SETBP1: variants seen among roughly 807,000 people sequenced by gnomAD.
The protein encoded by SETBP1 is SET binding protein 1.
Under a neutral mutation model 101.0 loss-of-function variants are expected in SETBP1, and 9 were observed. The ratio of observed to expected loss-of-function variants is 0.09; its 90% CI spans 0.05 to 0.16. SETBP1 has a LOEUF of 0.16. Ranked by LOEUF, SETBP1 falls within the 10% of genes least tolerant of loss-of-function variation. The pLI, the probability that SETBP1 is intolerant of heterozygous loss-of-function variation, is 1.00. For synonymous variants in SETBP1, 818 were observed against 788.5 expected (o/e 1.04, Z -0.63); for missense variants, 1,858 against 2,033.8 (o/e 0.91, Z 1.66).
At chr18:45,050,552 T>G (rs1383305368) in intron 5 of SETBP1, among the ~76,000 whole-genome samples, 1 of 152,210 alleles carries the variant, frequency 6.6e-6, no homozygotes, top group African/African-American at 2.4e-5. Flanking sequence ...TGATACCTCT[T>G]TAAACTAAAA....
chr18:44,883,391 C>T (rs935053192), intron 3 of SETBP1, among the ~76,000 whole-genome samples: 2 of 152,162 alleles, frequency 1.3e-5, no homozygotes, highest in African/African-American at 2.4e-5. Context: ...CATCTTTCTC[C>T]ACAATGTCTT....
chr18:44,740,323 T>C (rs1007045330), intron 2 of SETBP1, among the ~76,000 whole-genome samples: 1 of 152,122 alleles, frequency 6.6e-6, no homozygotes, highest in Non-Finnish European at 1.5e-5. Context: ...GCCATTACAG[T>C]GTGCACACCA....
chr18:44,976,968 G>A (rs763393352), intron 4 of SETBP1, among the ~76,000 whole-genome samples: 1 of 152,166 alleles, frequency 6.6e-6, no homozygotes, highest in African/African-American at 2.4e-5. Flanking sequence ...GGAAAATTGT[G>A]TCTATTCTGG....
At chr18:44,831,517 A>T (rs968151336) in intron 2 of SETBP1, among the ~76,000 whole-genome samples, 8 of 152,252 alleles carry the variant, frequency 5.3e-5, no homozygotes, top group African/African-American at 1.9e-4. Context: ...ATTTTCAAAC[A>T]TAAGACTAAC....
chr18:45,032,433 TA>T (rs2073315719), intron 4 of SETBP1, among the ~76,000 whole-genome samples: 1 of 152,198 alleles, frequency 6.6e-6, no homozygotes, highest in African/African-American at 2.4e-5. Context: ...CTAGACTCAG[TA>T]AATAGTATTC....
chr18:44,895,782 G>T (rs2069887218), intron 3 of SETBP1, among the ~76,000 whole-genome samples: 1 of 152,044 alleles, frequency 6.6e-6, no homozygotes, highest in Admixed American at 6.5e-5. Flanking sequence ...AGAACTAAAT[G>T]ACTTCTCTTC....
At chr18:44,975,036 C>T (rs567828252) in intron 4 of SETBP1, among the ~76,000 whole-genome samples, 2 of 152,300 alleles carry the variant, frequency 1.3e-5, no homozygotes, top group African/African-American at 2.4e-5. Flanking sequence ...CTTCTATACA[C>T]GTGGCCCTCT....
chr18:44,750,515 G>A (rs572268954), intron 2 of SETBP1, among the ~76,000 whole-genome samples: 4 of 152,258 alleles, frequency 2.6e-5, no homozygotes, highest in East Asian at 3.9e-4. Context: ...ACATCTGTCC[G>A]TAACAATTGG....
chr18:44,917,835 A>C (rs923627818), intron 3 of SETBP1, among the ~76,000 whole-genome samples: 2 of 152,020 alleles, frequency 1.3e-5, no homozygotes, highest in Admixed American at 1.3e-4. Context: ...CAAGGGGATG[A>C]CTCTACTACT....
chr18:45,019,822 G>T (rs533907563), intron 4 of SETBP1, among the ~76,000 whole-genome samples: 2 of 151,994 alleles, frequency 1.3e-5, no homozygotes, highest in Non-Finnish European at 2.9e-5. Context: ...TAAAGGACAT[G>T]CATAAAAAAC....
intron 2 of SETBP1, among the ~76,000 whole-genome samples, chr18:44,840,513 C>T (rs1458759669): frequency 2.0e-5 from 3 of 152,228 alleles, no homozygotes; most frequent in Non-Finnish European, 4.4e-5. Context: ...TTTCCTATTT[C>T]TCAAGATTCA....
At chr18:44,895,527 G>A (rs2069880830) in intron 3 of SETBP1, among the ~76,000 whole-genome samples, 1 of 152,082 alleles carries the variant, frequency 6.6e-6, no homozygotes, top group Non-Finnish European at 1.5e-5. Context: ...TTAGAAAATG[G>A]CAGTGACCTT....
chr18:44,994,384 G>T (rs750166261), intron 4 of SETBP1, among the ~76,000 whole-genome samples: 58 of 152,210 alleles, frequency 3.8e-4, no homozygotes, highest in Non-Finnish European at 7.4e-4. Flanking sequence ...TGAATACTAA[G>T]GATTAAAGAA....
At chr18:44,941,146 A>G (rs1329970999) in intron 3 of SETBP1, among the ~76,000 whole-genome samples, 1 of 131,656 alleles carries the variant, frequency 7.6e-6, no homozygotes, top group Non-Finnish European at 1.5e-5. Flanking sequence ...CAGTGGCGCC[A>G]TCTCACCTCA....
chr18:45,047,589 T>G (rs1030789457), intron 5 of SETBP1, among the ~76,000 whole-genome samples: 1 of 152,168 alleles, frequency 6.6e-6, no homozygotes, highest in African/African-American at 2.4e-5. Context: ...TTGAAAAACT[T>G]CTTGGTTCCA....
At chr18:44,987,361 A>T (rs897369156) in intron 4 of SETBP1, 1 of 152,232 alleles carries the variant, frequency 6.6e-6, no homozygotes, top group Non-Finnish European at 1.5e-5. Context: ...GAGACTCATG[A>T]AGTCAGTGGT....
chr18:44,827,104 TG>T (rs2072255547), intron 2 of SETBP1, among the ~76,000 whole-genome samples: 1 of 152,186 alleles, frequency 6.6e-6, no homozygotes, highest in Admixed American at 6.5e-5. Context: ...GGCTCACTAG[TG>T]GTGATGACAT....
chr18:45,034,950 C>T (rs1450970649), intron 4 of SETBP1, among the ~76,000 whole-genome samples: 7 of 152,130 alleles, frequency 4.6e-5, no homozygotes, highest in Admixed American at 4.6e-4. Flanking sequence ...AAATCTCCCT[C>T]CCATTGATAG....
At chr18:44,748,285 CAG>C (rs749280751) in intron 2 of SETBP1, among the ~76,000 whole-genome samples, 13 of 152,168 alleles carry the variant, frequency 8.5e-5, no homozygotes, top group Non-Finnish European at 1.5e-4. Context: ...ATATATTTCT[CAG>C]AGTTAGTATA....
Sources: allele counts gnomAD v4.1 joint callset (sites outside exome capture counted in the v4.1 genomes callset), GRCh38; gene constraint gnomAD v4.1.1; transcripts MANE v1.5; gene names NCBI Gene and HGNC (gene_info 2026-07-23, HGNC 2026-07-21).